Variants in ADAMTSL1 observed in about 807,000 individuals in gnomAD.
The protein encoded by ADAMTSL1 is ADAMTS like 1, also known as ADAMTS-like protein 1.
ADAMTSL1 carries 126 observed loss-of-function variants against 201.8 expected under a neutral mutation model. The observed-to-expected ratio is 0.62, with a 90% confidence interval of 0.54 to 0.72. The LOEUF is 0.72. ADAMTSL1 is among the 30% of genes least tolerant of loss of function. ADAMTSL1 has a pLI of 0.00. For missense variants in ADAMTSL1, 2,679 were observed against 2,277.8 expected, an observed-to-expected ratio of 1.18 and a Z score of -3.59; for synonymous variants, 1,121 against 903.4, an observed-to-expected ratio of 1.24 and a Z score of -4.32.
At chr9:18,039,557 T>G (rs1484327768) in intron 1 of ADAMTSL1, among the ~76,000 whole-genome samples, 1 of 152,180 alleles carries the variant, frequency 6.6e-6, no homozygotes, top group African/African-American at 2.4e-5. Flanking sequence ...GGAACAAACA[T>G]TTTTCACAAG....
chr9:18,581,195 A>C (rs1181777212), intron 4 of ADAMTSL1, among the ~76,000 whole-genome samples: 1 of 151,972 alleles, frequency 6.6e-6, no homozygotes, highest in Non-Finnish European at 1.5e-5. Flanking sequence ...GCATCACTCT[A>C]ATCTCTGCCT....
At chr9:18,817,309 T>C in intron 21 of ADAMTSL1, 72 bp downstream of exon 21, 2 of 1,449,878 alleles carry the variant, frequency 1.4e-6, no homozygotes, top group African/African-American at 1.4e-5. Context: ...AAAGACAAAT[T>C]AGACACAAAT....
intron 2 of ADAMTSL1, among the ~76,000 whole-genome samples, chr9:18,289,458 A>G (rs949420522): frequency 1.3e-5 from 2 of 152,192 alleles, no homozygotes; most frequent in African/African-American, 4.8e-5. Context: ...CAAGAGAAAG[A>G]CTTGAGATAA....
intron 4 of ADAMTSL1, among the ~76,000 whole-genome samples, chr9:18,618,088 A>G (rs1246887920): frequency 6.6e-6 from 1 of 152,156 alleles, no homozygotes; most frequent in African/African-American, 2.4e-5. Flanking sequence ...AATAATTAAC[A>G]TCGGTGTACT....
At chr9:18,725,505 A>G (rs759485713) in intron 15 of ADAMTSL1, among the ~76,000 whole-genome samples, 1 of 152,220 alleles carries the variant, frequency 6.6e-6, no homozygotes, top group Non-Finnish European at 1.5e-5. Flanking sequence ...TAAAAGCCAT[A>G]TCATCCACCC....
At chr9:18,813,849 T>C (rs1335989974) in intron 20 of ADAMTSL1, among the ~76,000 whole-genome samples, 2 of 152,214 alleles carry the variant, frequency 1.3e-5, no homozygotes, top group Non-Finnish European at 2.9e-5. Context: ...CAGTACTATG[T>C]TGAAGAAAAG....
At chr9:18,892,311 G>A (rs1829328675) in intron 25 of ADAMTSL1, 78 bp from the exon 26 acceptor site, 1 of 1,421,564 alleles carries the variant, frequency 7.0e-7, no homozygotes. Context: ...CAAGAGCAGG[G>A]ATGTCGGTGG....
At chr9:18,723,293 C>T (rs1162714318) in intron 15 of ADAMTSL1, 2 of 581,032 alleles carry the variant, frequency 3.4e-6, no homozygotes, top group South Asian at 2.1e-5. Flanking sequence ...TTCTGTTCTG[C>T]TTATTTGCCA....
intron 3 of ADAMTSL1, among the ~76,000 whole-genome samples, chr9:18,535,711 A>G (rs2383076): frequency 0.35 from 53,874 of 152,058 alleles, 12,624 homozygotes; most frequent in African/African-American, 0.67. Flanking sequence ...ACTTACAATC[A>G]TGGCAGAAGG....
intron 1 of ADAMTSL1, among the ~76,000 whole-genome samples, chr9:18,071,499 T>TTCTC (rs1204292607): frequency 2.6e-5 from 4 of 152,216 alleles, no homozygotes; most frequent in Non-Finnish European, 4.4e-5. Context: ...TTGTTCCAAA[T>TTCTC]TCTCAAATGT....
chr9:18,574,150 T>C lies in ADAMTSL1; in HGVS notation c.358T>C (p.Ser120Pro). The part of the protein sequence containing the change: ...PVSNDPDNPC[S>P]LKCQAKGTTL... ...GTCTAATGACCCTGACAACCCATGT[T>C]CACTCAAGTGCCAAGCCAAAGGAAC... is the stretch of plus-strand genomic sequence containing the variant. The change falls in exon 4 of 29, where the codon TCA becomes CCA. Residue 120 changes from serine (S) to proline (P), a missense_variant. Ser to Pro is a moderately conservative substitution (Grantham distance 74, BLOSUM62 -1). Transcript: ENST00000380548. 1 of 1,614,164 alleles carries C rather than the reference T, an allele frequency of 6.2e-7. No homozygotes were observed. Among genetic ancestry groups the C allele is most frequent in the Non-Finnish European group, 8.5e-7 (1 of 1,180,010 alleles).
chr9:17,983,170 A>G (rs1054236505), intron 1 of ADAMTSL1, among the ~76,000 whole-genome samples: 2 of 148,064 alleles, frequency 1.4e-5, no homozygotes, highest in African/African-American at 5.0e-5. Context: ...TCCTGGGTTC[A>G]AGCGATTCTC....
chr9:18,425,761 T>C lies in ADAMTSL1; in HGVS notation c.208-79068T>C, dbSNP rs570603921. On this transcript the variant is annotated intron_variant, in intron 2 of 29. Transcript: ENST00000680146. ...GTCCCAGCTACTCTGGAGGCTGAGG[T>C]GGGAGAAGAGCTTGAGCCCAGAAGT... Among the ~76,000 whole-genome samples, 11 of 142,136 alleles carry C rather than the reference T, an allele frequency of 7.7e-5. No individual in the cohort carries two copies. In the East Asian group the frequency reaches 1.5e-3, roughly 19 times the overall value. The allele number at this position is 142,136 out of a possible 152,430, so 93.2% of individuals were successfully genotyped here. A position where few individuals can be genotyped will look rare whatever the true frequency, so the allele number is the denominator to read the frequency against.
At chr9:18,888,174 A>G (rs771259551) in intron 24 of ADAMTSL1, 131 bp downstream of exon 24, 3 of 927,646 alleles carry the variant, frequency 3.2e-6, no homozygotes, top group Non-Finnish European at 4.8e-6. Context: ...AAGCCATGCC[A>G]TGTTTCCATA....
chr9:18,440,040 C>T (rs1303946847), intron 2 of ADAMTSL1, among the ~76,000 whole-genome samples: 3 of 152,190 alleles, frequency 2.0e-5, no homozygotes, highest in Admixed American at 6.5e-5. Flanking sequence ...GAGATATGCT[C>T]ACTGTGGTGC....
intron 1 of ADAMTSL1, among the ~76,000 whole-genome samples, chr9:17,912,804 G>A (rs1233205316): frequency 7.9e-6 from 1 of 126,918 alleles, no homozygotes; most frequent in Non-Finnish European, 1.8e-5. Context: ...TTCTTCTAGG[G>A]TTTTTATGGT....
At chr9:18,529,602 C>G (rs191925960) in intron 2 of ADAMTSL1, among the ~76,000 whole-genome samples, 1 of 152,224 alleles carries the variant, frequency 6.6e-6, no homozygotes, top group East Asian at 1.9e-4. Flanking sequence ...GGCCAAATAT[C>G]TATAGTAGGC....
intron 22 of ADAMTSL1, among the ~76,000 whole-genome samples, chr9:18,827,470 A>T (rs1824652558): frequency 6.6e-6 from 1 of 152,004 alleles, no homozygotes; most frequent in Non-Finnish European, 1.5e-5. Context: ...TTTTCATCTC[A>T]CTGGTGGCTG....
chr9:18,749,276 G>A (rs1374481575), intron 15 of ADAMTSL1, among the ~76,000 whole-genome samples: 1 of 152,154 alleles, frequency 6.6e-6, no homozygotes, highest in African/African-American at 2.4e-5. Context: ...GCTAGCAGTC[G>A]AGTGGGGAAG....
Sources: gnomAD v4.1 joint callset for allele counts (sites outside exome capture counted in the v4.1 genomes callset) on GRCh38, gnomAD v4.1.1 for gene constraint, MANE v1.5 for transcripts, NCBI Gene and HGNC (gene_info 2026-07-23, HGNC 2026-07-21) for gene names.